Variants in CYP27B1 observed in about 807,000 individuals in gnomAD.
CYP27B1 encodes cytochrome P450 family 27 subfamily B member 1.
A neutral mutation model predicts 54.8 loss-of-function variants in CYP27B1; 46 were observed. That is an observed-to-expected ratio of 0.84 (90% CI 0.66 to 1.07). The LOEUF (loss-of-function observed/expected upper bound fraction) is 1.07, where lower values mean the gene tolerates loss of function less well. Among genes scored for constraint, CYP27B1 ranks in the 50% least tolerant of loss-of-function variants. The pLI is 0.00. For synonymous variants in CYP27B1, 292 were observed against 297.3 expected, an observed-to-expected ratio of 0.98 and a Z score of 0.18; for missense variants, 674 against 692.2, an observed-to-expected ratio of 0.97 and a Z score of 0.30.
In CYP27B1 at chr12:57,765,804, A is replaced by G; in HGVS notation, c.386+203T>C. ...CCCAGTTCCCAGGATTCGGGCCTCA[A>G]AGGATAAGGAGGTAGGCGGGGAGTG... On this transcript the variant is annotated intron_variant, in intron 2 of 8. Transcript: ENST00000228606. The surrounding 1 kb of genome is among the most constrained non-coding windows in gnomAD (Gnocchi z 5.8). 3 of 1,076,608 alleles carry G rather than the reference A, an allele frequency of 2.8e-6. No homozygotes were observed. The highest frequency in any genetic ancestry group is 2.7e-4 in the Middle Eastern group (1 of 3,652). The allele number at this position is 1,076,608 out of a possible 1,614,324, so 66.7% of individuals were successfully genotyped here.
At chr12:57,764,600 G>T (rs1200852027) in intron 5 of CYP27B1, 50 bp from the exon 6 acceptor site, 2 of 1,604,748 alleles carry the variant, frequency 1.2e-6, no homozygotes, top group Non-Finnish European at 1.7e-6. Context: ...GAACCCAGCA[G>T]AGGGTGCAGA....
rs762682469 is a variant in CYP27B1 at position 57,766,878 on chromosome 12, T to G, written c.164A>C (p.Lys55Thr). ...TPSFLAELFC[K>T]GGLSRLHELQ... ...CTCGTGTAGCCTCGACAGCCCCCCCTTGCAGAAAAGTTCGGCCAGAAAGCT... is the reference window on the plus strand; with the variant it reads ...CTCGTGTAGCCTCGACAGCCCCCCCGTGCAGAAAAGTTCGGCCAGAAAGCT... The change falls in exon 1 of 9, where the codon AAG becomes ACG. Residue 55 changes from lysine (K) to threonine (T), a missense_variant. By Grantham distance (78) the Lys-to-Thr change is moderately conservative. Coordinates refer to ENST00000228606, the MANE Select transcript of CYP27B1 (RefSeq NM_000785.4). The G allele has an allele frequency of 6.2e-7, 1 of 1,614,194 alleles. No homozygotes were observed. Among genetic ancestry groups the G allele is most frequent in the African/African-American group, 1.3e-5 (1 of 75,042 alleles).
chr12:57,766,093 C>T lies in CYP27B1; in HGVS notation c.300G>A (p.Gln100=). The change falls in exon 2 of 9, where the codon CAG becomes CAA. Residue 100 remains glutamine, a synonymous_variant. Coordinates refer to ENST00000228606, the MANE Select transcript of CYP27B1 (RefSeq NM_000785.4). ...TGCAGCGCTCGGGCCGGGGTCCCTC[C>T]TGTCGCAGCAGCTCCTCGACGAGTG... ...APALVEELLR[Q]EGPRPERCSF... The T allele has an allele frequency of 6.5e-7, 1 of 1,549,058 alleles. No individual in the cohort carries two copies. The highest frequency in any genetic ancestry group is 1.2e-5 in the South Asian group (1 of 84,572).
chr12:57,765,910 G>A lies in CYP27B1; in HGVS notation c.386+97C>T. 6.9e-7 allele frequency: 1 copy of A among 1,446,600 alleles called. No homozygotes were observed. Among genetic ancestry groups the A allele is most frequent in the South Asian group, 1.4e-5 (1 of 69,848 alleles). 89.6% of individuals were successfully genotyped at this position (1,446,600 alleles called of 1,614,324 possible). ...TGCCCAATGGTAGAGTGGGACAGCC[G>A]ACCTCCCACCATGCCCCCAGATTGA... On this transcript the variant is annotated intron_variant, in intron 2 of 8. Transcript: ENST00000228606. The surrounding 1 kb of genome is among the most constrained non-coding windows in gnomAD (Gnocchi z 5.8).
At position 57,764,377 on chromosome 12, in the gene CYP27B1, C is replaced by T; in HGVS notation, c.1136+1G>A. On this transcript the variant is annotated splice_donor_variant, in intron 6 of 8. Transcript: ENST00000228606. LOFTEE classifies it high-confidence loss of function. ...TTGTTCCTCCTCTCCTTCCCCCTCA[C>T]CTTAGCACTTCCTTGACCACCGCCT... 1.2e-6 allele frequency: 2 copies of T among 1,614,184 alleles called. No individual in the cohort carries two copies. The highest frequency in any genetic ancestry group is 8.5e-7 in the Non-Finnish European group (1 of 1,180,030).
Position 57,765,144 on chromosome 12 carries a change from C to T in CYP27B1, c.657G>A (p.Glu219=). The change falls in exon 4 of 9, where the codon GAG becomes GAA. Residue 219 remains glutamate, a synonymous_variant. Transcript: ENST00000228606. This position sits in a 1 kb window ranked among gnomAD's most constrained non-coding sequence, Gnocchi z 5.8. ...CLEAQVPPDT[E]TFIRAVGSVF... ...CCGAGCCCACAGCGCGGATGAAGGT[C>T]TCCGTGTCGGGTGGCACTTGAGCCT... The T allele has an allele frequency of 1.3e-5, 21 of 1,613,904 alleles. No individual in the cohort carries two copies. Among genetic ancestry groups the T allele is most frequent in the Non-Finnish European group, 1.8e-5 (21 of 1,179,986 alleles).
Position 57,765,958 on chromosome 12 carries a change from A to C in CYP27B1, c.386+49T>G, listed in dbSNP as rs1246396798. On this transcript the variant is annotated intron_variant, in intron 2 of 8. Coordinates refer to ENST00000228606, the MANE Select transcript of CYP27B1 (RefSeq NM_000785.4). The surrounding 1 kb of genome is among the most constrained non-coding windows in gnomAD (Gnocchi z 5.8). ...TGATAGTTTCGGGACCCGCAGCAGG[A>C]GAGGGCCGCTGCAGGGCGTCTGGGC... 2.7e-6 allele frequency: 4 copies of C among 1,498,054 alleles called. No homozygotes were observed. The African/African-American group carries it at 5.6e-5, about 21-fold the overall frequency. 92.8% of individuals were successfully genotyped at this position (1,498,054 alleles called of 1,614,324 possible). A position where few individuals can be genotyped will look rare whatever the true frequency, so the allele number is the denominator to read the frequency against.
In CYP27B1 at chr12:57,765,398, C is replaced by A. The variant is rs775812483; in HGVS notation, c.488G>T (p.Cys163Phe). 1.1e-5 allele frequency: 18 copies of A among 1,613,196 alleles called. No individual in the cohort carries two copies. In the Middle Eastern group the frequency reaches 1.2e-3, roughly 103 times the overall value. The change falls in exon 3 of 9, where the codon TGC becomes TTC. Residue 163 changes from cysteine to phenylalanine, a missense_variant. Coordinates refer to ENST00000228606, the MANE Select transcript of CYP27B1 (RefSeq NM_000785.4). The surrounding 1 kb of genome is among the most constrained non-coding windows in gnomAD (Gnocchi z 5.8). ...GCGCCTCAGACGCCGCACAAGGTCG[C>A]AGACTACGTTGTTCAGGGTTCCGGC... is the stretch of plus-strand genomic sequence containing the variant. ...RYAGTLNNVV[C>F]DLVRRLRRQR...
Position 57,762,574 on chromosome 12 carries a change from C to A in CYP27B1, c.*568G>T. ...CAAAGAAGGAAGGGGGTAGACAGAG[C>A]CTACTAAGTAAGCTGCTTATCCCTT... is the stretch of plus-strand genomic sequence containing the variant. On this transcript the variant is annotated 3_prime_UTR_variant, in exon 9 of 9. Transcript: ENST00000228606. The A allele has an allele frequency of 5.8e-6, 1 of 172,364 alleles. No individual in the cohort carries two copies. The highest frequency in any genetic ancestry group is 1.3e-5 in the Non-Finnish European group (1 of 78,404). 10.7% of individuals were successfully genotyped at this position (172,364 alleles called of 1,614,324 possible). A position where few individuals can be genotyped will look rare whatever the true frequency, so the allele number is the denominator to read the frequency against.
intron 6 of CYP27B1, 59 bp from the exon 7 acceptor site, chr12:57,764,235 T>TAGC: frequency 6.4e-7 from 1 of 1,556,488 alleles, no homozygotes; most frequent in Non-Finnish European, 8.9e-7. Context: ...GCAGCCCCCT[T>TAGC]CTCATTGTTT....
rs373454823 is a variant in CYP27B1, at chr12:57,765,529, G to A, written c.387-30C>T. The A allele has an allele frequency of 2.5e-6, 4 of 1,587,498 alleles. No homozygotes were observed. The highest frequency in any genetic ancestry group is 2.7e-5 in the African/African-American group (2 of 74,736). Reference sequence around the variant, plus strand: ...AGGGTTGAGGAGAGAGTGCGCATCGGGAAGGTGGGGACGGCTCGACGGGAC... The same window carrying A: ...AGGGTTGAGGAGAGAGTGCGCATCGAGAAGGTGGGGACGGCTCGACGGGAC... On this transcript the variant is annotated intron_variant, in intron 2 of 8. Coordinates refer to ENST00000228606, the MANE Select transcript of CYP27B1 (RefSeq NM_000785.4). This position sits in a 1 kb window ranked among gnomAD's most constrained non-coding sequence, Gnocchi z 5.8.
In CYP27B1 at chr12:57,765,296, C is replaced by G. The variant is rs761780097; in HGVS notation, c.589+1G>C. The G allele has an allele frequency of 6.2e-7, 1 of 1,612,814 alleles. No individual in the cohort carries two copies. Among genetic ancestry groups the G allele is most frequent in the Non-Finnish European group, 8.5e-7 (1 of 1,179,734 alleles). ...CTGCCCAGCTCTGTCCTGGGACTCA[C>G]CTTCCAGTCCGAACTTGTAAAATTC... On this transcript the variant is annotated splice_donor_variant, in intron 3 of 8. Transcript: ENST00000228606. LOFTEE classifies it high-confidence loss of function. This position sits in a 1 kb window ranked among gnomAD's most constrained non-coding sequence, Gnocchi z 5.8.
chr12:57,763,910 TG>T, intron 7 of CYP27B1, 102 bp from the exon 8 acceptor site: 3 of 1,259,100 alleles, frequency 2.4e-6, no homozygotes, highest in Non-Finnish European at 3.4e-6. Context: ...TGGTGGGTGA[TG>T]GGGAAGTTTT....
chr12:57,763,269 A>G lies in CYP27B1; in HGVS notation c.1414-14T>C, dbSNP rs1189084422. 7.6e-6 allele frequency: 12 copies of G among 1,582,902 alleles called. No homozygotes were observed. The highest frequency in any genetic ancestry group is 1.3e-5 in the African/African-American group (1 of 74,316). ...ATGTGTTAGGATCTGGAAAGGGAAG[A>G]AGGTGAGCATTACTATGAAAGATAT... is the stretch of plus-strand genomic sequence containing the variant. On this transcript the variant is annotated splice_polypyrimidine_tract_variant and intron_variant, in intron 8 of 8. Transcript: ENST00000228606.
Position 57,764,446 on chromosome 12 carries a change from A to T in CYP27B1, c.1068T>A (p.Ser356Arg), listed in dbSNP as rs752977580. ...ACAGAACAGTGGCTGAGGGGTAGGC[A>T]CTGGAGCCAGGGCTCAGGGCAGCTG... Reference protein sequence around the residue: ...EITAALSPGSSAYPSATVLSQ... With the variant: ...EITAALSPGSRAYPSATVLSQ... The change falls in exon 6 of 9, where the codon AGT (serine) becomes AGA (arginine). Residue 356 changes from serine (S) to arginine (R), a missense_variant. By Grantham distance (110) the Ser-to-Arg change is moderately radical (BLOSUM62 -1). Transcript: ENST00000228606. 6.2e-7 allele frequency: 1 copy of T among 1,614,172 alleles called. No individual in the cohort carries two copies. Among genetic ancestry groups the T allele is most frequent in the Non-Finnish European group, 8.5e-7 (1 of 1,180,030 alleles).
At chr12:57,763,981 C>T (rs1955338515) in intron 7 of CYP27B1, 117 bp downstream of exon 7, 2 of 1,102,168 alleles carry the variant, frequency 1.8e-6, no homozygotes, top group African/African-American at 1.5e-5. Context: ...AAGGCATATC[C>T]TAGAGAGGGG....
At chr12:57,766,440 G>C (rs1195275211) in intron 1 of CYP27B1, 11 of 569,408 alleles carry the variant, frequency 1.9e-5, no homozygotes, top group Non-Finnish European at 3.1e-5. Flanking sequence ...GGACCTCTCT[G>C]ATCATCTCGG....
Position 57,765,505 on chromosome 12 carries a change from G to T in CYP27B1, c.387-6C>A. 1 of 1,606,662 alleles carries T rather than the reference G, an allele frequency of 6.2e-7. No individual in the cohort carries two copies. Among genetic ancestry groups the T allele is most frequent in the South Asian group, 1.1e-5 (1 of 89,408 alleles). Reference sequence around the variant, plus strand: ...TTTGCCATTCTTCGCCTTCCCTGCAGGGTTGAGGAGAGAGTGCGCATCGGG... The same window carrying T: ...TTTGCCATTCTTCGCCTTCCCTGCATGGTTGAGGAGAGAGTGCGCATCGGG... On this transcript the variant is annotated splice_region_variant and splice_polypyrimidine_tract_variant and intron_variant, in intron 2 of 8. Transcript: ENST00000228606. The surrounding 1 kb of genome is among the most constrained non-coding windows in gnomAD (Gnocchi z 5.8).
intron 7 of CYP27B1, 142 bp downstream of exon 7, chr12:57,763,956 C>T: frequency 1.9e-6 from 2 of 1,061,846 alleles, no homozygotes; most frequent in Non-Finnish European, 2.9e-6. Flanking sequence ...CCCCACTGTT[C>T]CATTACATCC....
Sources: allele counts gnomAD v4.1 joint callset, GRCh38; gene constraint gnomAD v4.1.1; non-coding constraint Gnocchi (gnomAD v3.1); transcripts MANE v1.5; gene names NCBI Gene and HGNC (gene_info 2026-07-23, HGNC 2026-07-21).